MAPK6: variants seen among roughly 807,000 people sequenced by gnomAD.
The protein encoded by MAPK6 is mitogen-activated protein kinase 6.
In MAPK6, 19 loss-of-function variants were observed where a neutral mutation model predicts 59.3. The ratio of observed to expected loss-of-function variants is 0.32; its 90% CI spans 0.22 to 0.47. MAPK6 has a LOEUF of 0.47. MAPK6 is among the 20% of genes least tolerant of loss of function. The pLI is 1.00. For synonymous variants in MAPK6, 316 were observed against 290.3 expected, an observed-to-expected ratio of 1.09 and a Z score of -0.90; for missense variants, 724 against 847.9, an observed-to-expected ratio of 0.85 and a Z score of 1.81.
chr15:52,027,476 C>T (rs1273570351), intron 1 of MAPK6, among the ~76,000 whole-genome samples: 2 of 151,106 alleles, frequency 1.3e-5, no homozygotes, highest in African/African-American at 4.9e-5. Flanking sequence ...CTTAAGATTC[C>T]AATCAGGCTT....
intron 1 of MAPK6, among the ~76,000 whole-genome samples, chr15:52,025,493 TTTAA>T (rs1175945702): frequency 6.6e-6 from 1 of 152,228 alleles, no homozygotes; most frequent in African/African-American, 2.4e-5. Context: ...GAATTTTTTA[TTTAA>T]TTTTAATTCC....
chr15:52,059,079 C>G (rs1205660272), intron 4 of MAPK6, among the ~76,000 whole-genome samples: 7 of 152,080 alleles, frequency 4.6e-5, no homozygotes, highest in Non-Finnish European at 8.8e-5. Flanking sequence ...TTTTTTCCCT[C>G]AGATATACTT....
rs866587402 is a variant in MAPK6 at position 52,032,482 on chromosome 15, G to A, written c.-632+13106G>A. The stretch of plus-strand genomic sequence containing the variant: ...TGGGATTACAGGCGTGAGCCACTGT[G>A]CCTGGCCGTGGATAGATATTTTTAA... On this transcript the variant is annotated intron_variant, in intron 1 of 5. Coordinates refer to ENST00000261845, the MANE Select transcript of MAPK6 (RefSeq NM_002748.4). 2.3e-4 allele frequency among the ~76,000 whole-genome samples: 35 copies of A among 151,952 alleles called. 1 individual carries two copies. The highest frequency in any genetic ancestry group is 8.2e-4 in the African/African-American group (34 of 41,360).
At chr15:51,987,431 G>A (rs1422363334) in intron 2 of MAPK6, among the ~76,000 whole-genome samples, 4 of 151,918 alleles carry the variant, frequency 2.6e-5, no homozygotes, top group African/African-American at 4.8e-5. Flanking sequence ...ATGGTGAAAC[G>A]TCGTCTCTAC....
chr15:52,050,261 T>A (rs974916635), intron 3 of MAPK6, 124 bp downstream of exon 3: 41 of 847,632 alleles, frequency 4.8e-5, no homozygotes, highest in Non-Finnish European at 6.9e-5. Flanking sequence ...AATGAACAGA[T>A]AAATTGGCGT....
At chr15:52,002,049 C>A (rs916066219) in intron 2 of MAPK6, among the ~76,000 whole-genome samples, 2 of 152,178 alleles carry the variant, frequency 1.3e-5, no homozygotes, top group African/African-American at 2.4e-5. Context: ...TGCCTTCCCA[C>A]CTTAGGTCAC....
chr15:52,001,272 A>T (rs1276095218), intron 2 of MAPK6, among the ~76,000 whole-genome samples: 1 of 151,932 alleles, frequency 6.6e-6, no homozygotes, highest in Non-Finnish European at 1.5e-5. Flanking sequence ...CTCAGCCTCC[A>T]GAACTGCAAG....
rs35976962 is a variant in MAPK6, at chr15:51,988,741, TACAC to T, written c.-770+5448_-770+5451del. 2.3e-4 allele frequency among the ~76,000 whole-genome samples: 33 copies of T among 145,590 alleles called. 1 individual carries two copies. The highest frequency in any genetic ancestry group is 4.0e-4 in the Non-Finnish European group (26 of 65,792). On this transcript the variant is annotated intron_variant, in intron 2 of 7. Transcript: ENST00000691380. ...AGTGAGACTCTGGGCAAAAAAAAAA[TACAC>T]ACACACACACACACACACACAAAAC... is the stretch of plus-strand genomic sequence containing the variant.
At chr15:52,027,513 A>T (rs1027468643) in intron 1 of MAPK6, 8 of 150,618 alleles carry the variant, frequency 5.3e-5, no homozygotes, top group African/African-American at 2.0e-4. Context: ...CTTCATCTCT[A>T]CCCGTTACTG....
chr15:52,047,062 T>C (rs2141088009), intron 2 of MAPK6, 47 bp downstream of exon 2: 1 of 1,319,424 alleles, frequency 7.6e-7, no homozygotes, highest in Non-Finnish European at 1.0e-6. Flanking sequence ...CTGATACACC[T>C]AATCAGGAAT....
intron 2 of MAPK6, among the ~76,000 whole-genome samples, chr15:51,986,377 T>A (rs546640277): frequency 0.015 from 2,091 of 143,806 alleles, 62 homozygotes; most frequent in African/African-American, 0.053. Flanking sequence ...CCCAATTTCG[T>A]TTTTTTTTTA....
At chr15:52,049,777 G>C (rs1168553397) in intron 2 of MAPK6, among the ~76,000 whole-genome samples, 1 of 151,902 alleles carries the variant, frequency 6.6e-6, no homozygotes, top group African/African-American at 2.4e-5. Context: ...ACCACACCTG[G>C]CTAATTTTGT....
chr15:52,047,082 T>G, intron 2 of MAPK6, 67 bp downstream of exon 2: 23 of 1,179,214 alleles, frequency 2.0e-5, no homozygotes, highest in Non-Finnish European at 2.4e-5. Context: ...TAGGTACTTA[T>G]ATTTTCTTTG....
chr15:51,972,770 C>A (rs1469127778), intron 1 of MAPK6, among the ~76,000 whole-genome samples: 1 of 150,276 alleles, frequency 6.7e-6, no homozygotes, highest in African/African-American at 2.4e-5. Flanking sequence ...TGCAGTGAGC[C>A]GAGATCGCGC....
intron 4 of MAPK6, 121 bp from the exon 5 acceptor site, chr15:52,061,178 T>C (rs1177286204): frequency 5.6e-6 from 4 of 709,784 alleles, no homozygotes; most frequent in South Asian, 3.6e-5. Context: ...TTTCCTGTTG[T>C]GTAGTATGTA....
rs2031327142 is a variant in MAPK6 at position 52,038,882 on chromosome 15, AG to A, written c.-631-6945del. Among the ~76,000 whole-genome samples, 5 of 152,230 alleles carry A rather than the reference AG, an allele frequency of 3.3e-5. No homozygotes were observed. The South Asian group carries it at 1.0e-3, about 32-fold the overall frequency. ...TCTCCCATTCTGAGCATACCACCAC[AG>A]GGCTTGGGAATAAAACTAAAGAAAT... On this transcript the variant is annotated intron_variant, in intron 1 of 5. Coordinates refer to ENST00000261845, the MANE Select transcript of MAPK6 (RefSeq NM_002748.4).
chr15:52,012,275 A>G (rs1275506662), intron 3 of MAPK6, among the ~76,000 whole-genome samples: 1 of 152,150 alleles, frequency 6.6e-6, no homozygotes, highest in Non-Finnish European at 1.5e-5. Context: ...ATGTCTCCTA[A>G]TGAATTACTC....
intron 1 of MAPK6, among the ~76,000 whole-genome samples, chr15:52,032,269 C>CA (rs1444025236): frequency 6.7e-6 from 1 of 148,356 alleles, no homozygotes; most frequent in African/African-American, 2.5e-5. Context: ...CGGCTCACTG[C>CA]AACCTCCGAC....
At chr15:51,987,485 G>T (rs979542958) in intron 2 of MAPK6, among the ~76,000 whole-genome samples, 1 of 152,048 alleles carries the variant, frequency 6.6e-6, no homozygotes, top group Non-Finnish European at 1.5e-5. Context: ...TGCACCTGTA[G>T]TTCCAGCTAC....
Sources: gnomAD v4.1 joint callset for allele counts (sites outside exome capture counted in the v4.1 genomes callset) on GRCh38, gnomAD v4.1.1 for gene constraint, MANE v1.5 for transcripts, NCBI Gene and HGNC (gene_info 2026-07-23, HGNC 2026-07-21) for gene names.